Variants in ACAP2 observed in about 807,000 individuals in gnomAD.
ACAP2 encodes arf-GAP with coiled-coil, ANK repeat and PH domain-containing protein 2.
Under a neutral mutation model 115.8 loss-of-function variants are expected in ACAP2, and 39 were observed. The observed-to-expected ratio is 0.34, with a 90% CI of 0.26 to 0.44. The LOEUF is 0.44. Ranked by LOEUF, ACAP2 falls within the 20% of genes least tolerant of loss-of-function variation. The probability of loss-of-function intolerance (pLI) is 1.00; values close to 1 mark genes in which losing one functional copy is unlikely to be tolerated. For synonymous variants in ACAP2, 289 were observed against 315.8 expected (o/e 0.92, Z 0.90); for missense variants, 662 against 927.6 (o/e 0.71, Z 3.72).
intron 10 of ACAP2, among the ~76,000 whole-genome samples, chr3:195,313,954 T>A (rs1429197889): frequency 6.6e-6 from 1 of 152,108 alleles, no homozygotes; most frequent in Non-Finnish European, 1.5e-5. Context: ...TTCAGAAAAA[T>A]ATATTTTATA....
chr3:195,342,552 T>C lies in ACAP2; in HGVS notation c.447A>G (p.Gln149=), dbSNP rs1338258490. The C allele has an allele frequency of 6.2e-7, 1 of 1,613,180 alleles. No individual in the cohort carries two copies. Among genetic ancestry groups the C allele is most frequent in the Non-Finnish European group, 8.5e-7 (1 of 1,179,784 alleles). ...TGTTGGTGGCTTCTTCAACTTCATG[T>C]TGTTTGTTTCTTTGTACTTGGGCAT... is the stretch of plus-strand genomic sequence containing the variant. ...VKNAQVQRNK[Q]HEVEEATNIL... is the part of the protein sequence containing the mutation. Residue 149 remains glutamine, a synonymous_variant, in exon 6 of 23, where the codon CAA becomes CAG. Coordinates refer to ENST00000326793, the MANE Select transcript of ACAP2 (RefSeq NM_012287.6).
At chr3:195,384,321 A>G (rs1344574738) in intron 2 of ACAP2, among the ~76,000 whole-genome samples, 2 of 152,228 alleles carry the variant, frequency 1.3e-5, no homozygotes, top group East Asian at 1.9e-4. Flanking sequence ...AACAAATAAC[A>G]TCCACGATAT....
intron 4 of ACAP2, among the ~76,000 whole-genome samples, chr3:195,362,851 A>G (rs560432193): frequency 6.6e-6 from 1 of 152,356 alleles, no homozygotes; most frequent in East Asian, 1.9e-4. Context: ...AGCTTGTATA[A>G]TAGTGAATGG....
At chr3:195,298,302 C>T (rs190262680) in intron 15 of ACAP2, among the ~76,000 whole-genome samples, 242 of 141,294 alleles carry the variant, frequency 1.7e-3, no homozygotes, top group Admixed American at 6.1e-3. Context: ...ATCACCTAGG[C>T]GGTAGTGCAG....
At chr3:195,350,891 C>G (rs1347572092) in intron 4 of ACAP2, among the ~76,000 whole-genome samples, 1 of 151,858 alleles carries the variant, frequency 6.6e-6, no homozygotes, top group South Asian at 2.1e-4. Context: ...TAGACCTAAA[C>G]TTCCACAAGA....
chr3:195,390,886 A>G (rs1048953133), intron 2 of ACAP2, among the ~76,000 whole-genome samples: 3 of 152,222 alleles, frequency 2.0e-5, no homozygotes, highest in African/African-American at 7.2e-5. Flanking sequence ...AGAAGTATCT[A>G]AACAAATGGA....
At position 195,357,510 on chromosome 3, in the gene ACAP2, G is replaced by A. The variant is rs970971845; in HGVS notation, c.286-12193C>T. ...AGCTTGCAGCCAGGTAATAGTTACA[G>A]CAGGACATGGGCAAGACACGGTGCT... is the stretch of plus-strand genomic sequence containing the variant. On this transcript the variant is annotated intron_variant, in intron 4 of 22. Coordinates refer to ENST00000326793, the MANE Select transcript of ACAP2 (RefSeq NM_012287.6). Among the ~76,000 whole-genome samples the A allele has an allele frequency of 2.6e-4, 40 of 152,268 alleles. 1 individual carries two copies. Among genetic ancestry groups the A allele is most frequent in the African/African-American group, 9.6e-4 (40 of 41,552 alleles).
intron 4 of ACAP2, among the ~76,000 whole-genome samples, chr3:195,374,047 G>A (rs573121400): frequency 5.5e-4 from 83 of 152,242 alleles, no homozygotes; most frequent in African/African-American, 2.0e-3. Context: ...TAGGCAGAAG[G>A]GGGAAAAGGT....
At chr3:195,332,932 T>G in intron 8 of ACAP2, 96 bp downstream of exon 8, 2 of 827,492 alleles carry the variant, frequency 2.4e-6, no homozygotes, top group South Asian at 3.3e-5. Flanking sequence ...TATAGCAGTG[T>G]GAGAACAAAC....
At position 195,365,232 on chromosome 3, in the gene ACAP2, G is replaced by A. The variant is rs188087743; in HGVS notation, c.285+15777C>T. ...TTGCTAGCACAACAAGGTGACTATA[G>A]TCAAAAATAATTTAACTGCTCATTT... On this transcript the variant is annotated intron_variant, in intron 4 of 22. Coordinates refer to ENST00000326793, the MANE Select transcript of ACAP2 (RefSeq NM_012287.6). 3.4e-3 allele frequency among the ~76,000 whole-genome samples: 520 copies of A among 152,190 alleles called. 2 individuals are homozygous for A. The highest frequency in any genetic ancestry group is 5.6e-3 in the Non-Finnish European group (383 of 68,016).
At chr3:195,323,964 G>A (rs983711611) in intron 9 of ACAP2, among the ~76,000 whole-genome samples, 20 of 152,006 alleles carry the variant, frequency 1.3e-4, no homozygotes, top group Admixed American at 5.2e-4. Context: ...TGGATACCCC[G>A]TTTTCCATGA....
intron 8 of ACAP2, among the ~76,000 whole-genome samples, chr3:195,327,947 A>AATAT (rs1553851225): frequency 2.0e-5 from 3 of 151,134 alleles, no homozygotes; most frequent in Non-Finnish European, 4.4e-5. Flanking sequence ...ACCAAAAAAA[A>AATAT]ATATATATAT....
chr3:195,318,018 A>T lies in ACAP2; in HGVS notation c.857+2683T>A, dbSNP rs1190227609. Reference sequence around the variant, plus strand: ...CTGGGTCATGCAGGCGGTTTTCCCCATGCTGTTCTCGTGATGGTGAGGGAG... The same window carrying T: ...CTGGGTCATGCAGGCGGTTTTCCCCTTGCTGTTCTCGTGATGGTGAGGGAG... On this transcript the variant is annotated intron_variant, in intron 10 of 22. Transcript: ENST00000326793. 2.0e-5 allele frequency among the ~76,000 whole-genome samples: 3 copies of T among 152,268 alleles called. No homozygotes were observed. The East Asian group carries it at 5.8e-4, about 29-fold the overall frequency.
chr3:195,370,779 G>A (rs758012947), intron 4 of ACAP2, among the ~76,000 whole-genome samples: 2 of 151,994 alleles, frequency 1.3e-5, no homozygotes, highest in Non-Finnish European at 2.9e-5. Context: ...GCAAAACCCT[G>A]TCTTATACTA....
chr3:195,369,018 A>G (rs1438266988), intron 4 of ACAP2, among the ~76,000 whole-genome samples: 1 of 151,916 alleles, frequency 6.6e-6, no homozygotes, highest in Non-Finnish European at 1.5e-5. Context: ...TGGGAGGCGG[A>G]GGTTGCAGTG....
intron 8 of ACAP2, among the ~76,000 whole-genome samples, chr3:195,327,858 G>A (rs988075437): frequency 3.9e-5 from 6 of 152,120 alleles, no homozygotes; most frequent in Middle Eastern, 3.4e-3. Flanking sequence ...TTGAACCCAC[G>A]AGGCAGAGGT....
intron 1 of ACAP2, among the ~76,000 whole-genome samples, chr3:195,438,568 G>A (rs1715759614): frequency 1.3e-5 from 2 of 151,870 alleles, no homozygotes. Flanking sequence ...AATGTCTTTC[G>A]CCCATTAAAA....
chr3:195,406,693 G>C (rs904248492), intron 1 of ACAP2, among the ~76,000 whole-genome samples: 9 of 152,120 alleles, frequency 5.9e-5, no homozygotes, highest in Admixed American at 1.3e-4. Flanking sequence ...TTTGTATTTT[G>C]AGTAAATATT....
chr3:195,441,561 A>G (rs1715992939), intron 1 of ACAP2, among the ~76,000 whole-genome samples: 4 of 152,308 alleles, frequency 2.6e-5, no homozygotes, highest in East Asian at 1.9e-4. Context: ...TTTCGCTGAA[A>G]GGAGAATAAG....
Sources: allele counts gnomAD v4.1 joint callset (sites outside exome capture counted in the v4.1 genomes callset), GRCh38; gene constraint gnomAD v4.1.1; transcripts MANE v1.5; gene names NCBI Gene and HGNC (gene_info 2026-07-23, HGNC 2026-07-21).